The following ARHGEF10 variants were observed in gnomAD, a reference collection of about 807,000 sequenced individuals.
ARHGEF10 encodes Rho guanine nucleotide exchange factor (GEF) 10.
A neutral mutation model predicts 147.4 loss-of-function variants in ARHGEF10; 140 were observed. The observed-to-expected ratio is 0.95, with a 90% CI of 0.83 to 1.09. ARHGEF10 has a LOEUF of 1.09. Among genes scored for constraint, ARHGEF10 ranks in the 50% least tolerant of loss-of-function variants. The pLI is 0.00. For synonymous variants in ARHGEF10, 902 were observed against 695.8 expected, an observed-to-expected ratio of 1.30 and a Z score of -4.67; for missense variants, 2,222 against 1,752.7, an observed-to-expected ratio of 1.27 and a Z score of -4.78.
chr8:1,906,740 T>C (rs942326475), intron 17 of ARHGEF10, among the ~76,000 whole-genome samples: 6 of 152,210 alleles, frequency 3.9e-5, no homozygotes, highest in African/African-American at 1.4e-4. Context: ...ATAAAAATAA[T>C]GCCAGTGGTA....
In ARHGEF10 at chr8:1,842,652, G is replaced by T. The variant is rs1006188791; in HGVS notation, c.-47-701G>T. Among the ~76,000 whole-genome samples the T allele has an allele frequency of 2.8e-4, 43 of 152,252 alleles. 1 individual carries two copies. The highest frequency in any genetic ancestry group is 2.4e-3 in the Admixed American group (37 of 15,288). On this transcript the variant is annotated intron_variant, in intron 1 of 28. Coordinates refer to ENST00000349830, the MANE Select transcript of ARHGEF10 (RefSeq NM_014629.4). ...CGAGGCAGCTGGAGAGTTCCCTGAGGACAGCTTATTTCACCCTGGATGGCT... is the reference window on the plus strand; with the variant it reads ...CGAGGCAGCTGGAGAGTTCCCTGAGTACAGCTTATTTCACCCTGGATGGCT...
intron 2 of ARHGEF10, among the ~76,000 whole-genome samples, chr8:1,843,914 T>G (rs1256432684): frequency 1.3e-5 from 2 of 152,206 alleles, no homozygotes; most frequent in South Asian, 2.1e-4. Flanking sequence ...AGGGAGGGCC[T>G]GCTGATGAAA....
chr8:1,846,658 A>T (rs900560442), intron 2 of ARHGEF10, among the ~76,000 whole-genome samples: 7 of 151,938 alleles, frequency 4.6e-5, no homozygotes, highest in African/African-American at 1.7e-4. Flanking sequence ...GCTCACTGCA[A>T]CCTCCACTTC....
chr8:1,856,660 C>T (rs1805577728), intron 2 of ARHGEF10, among the ~76,000 whole-genome samples: 1 of 152,224 alleles, frequency 6.6e-6, no homozygotes, highest in Non-Finnish European at 1.5e-5. Context: ...CCTCAGCCCC[C>T]TCCGGAGCTG....
At position 1,909,368 on chromosome 8, in the gene ARHGEF10, G is replaced by T. The variant is rs1291005825; in HGVS notation, c.2041G>T (p.Asp681Tyr). 2 of 1,614,242 alleles carry T rather than the reference G, an allele frequency of 1.2e-6. No homozygotes were observed. Among genetic ancestry groups the T allele is most frequent in the Non-Finnish European group, 1.7e-6 (2 of 1,180,048 alleles). The change falls in exon 18 of 29, where the codon GAC (aspartate) becomes TAC (tyrosine). Residue 681 changes from aspartate (D) to tyrosine (Y), a missense_variant. By Grantham distance (160) the Asp-to-Tyr change is radical. Transcript: ENST00000349830. Reference sequence around the variant, plus strand: ...GTGGAGCGTTCCACTGGGACATGTGGACGCCATCGAGTATGGCAGCAGCGC... The same window carrying T: ...GTGGAGCGTTCCACTGGGACATGTGTACGCCATCGAGTATGGCAGCAGCGC... ...LKWSVPLGHV[D>Y]AIEYGSSAGT...
chr8:1,877,627 T>C (rs1430979755), intron 8 of ARHGEF10, among the ~76,000 whole-genome samples: 2 of 151,896 alleles, frequency 1.3e-5, no homozygotes, highest in Non-Finnish European at 2.9e-5. Context: ...AAGGCGTGAA[T>C]TCTGGAATTG....
chr8:1,841,897 CTGGGG>C, intron 1 of ARHGEF10, among the ~76,000 whole-genome samples: 5 of 101,976 alleles, frequency 4.9e-5, no homozygotes, highest in Non-Finnish European at 9.5e-5. Flanking sequence ...GCGGCGGGAA[CTGGGG>C]CCGCGGCGGG....
rs2272711 is a variant in ARHGEF10, at chr8:1,880,012, C to A, written c.844-36C>A. 7.5e-6 allele frequency: 11 copies of A among 1,466,262 alleles called. No individual in the cohort carries two copies. The South Asian group carries it at 7.9e-5, about 11-fold the overall frequency. The allele number at this position is 1,466,262 out of a possible 1,614,324, so 90.8% of individuals were successfully genotyped here. A position where few individuals can be genotyped will look rare whatever the true frequency, so the allele number is the denominator to read the frequency against. ...ATTGTCCCAAAGAACCAAAAAGAGC[C>A]TTTTTGTGAAAAGACTGTGTCTCTT... On this transcript the variant is annotated intron_variant, in intron 8 of 28. Transcript: ENST00000349830.
chr8:1,950,261 G>T (rs778277694), intron 27 of ARHGEF10, among the ~76,000 whole-genome samples: 20 of 152,216 alleles, frequency 1.3e-4, no homozygotes, highest in Non-Finnish European at 2.5e-4. Context: ...CTAGGTCACT[G>T]TTGGTGCTTC....
intron 11 of ARHGEF10, among the ~76,000 whole-genome samples, chr8:1,890,548 G>T (rs994811788): frequency 2.0e-5 from 3 of 149,784 alleles, no homozygotes; most frequent in African/African-American, 5.1e-5. Flanking sequence ...CACTGAGTGG[G>T]GTGAGAGTTT....
chr8:1,834,023 A>T (rs1044839440), intron 1 of ARHGEF10, among the ~76,000 whole-genome samples: 1 of 152,202 alleles, frequency 6.6e-6, no homozygotes, highest in Non-Finnish European at 1.5e-5. Flanking sequence ...GGGGAAGGGT[A>T]AGCAGGGCTG....
Position 1,948,224 on chromosome 8 carries a change from T to C in ARHGEF10, c.3397+2569T>C, listed in dbSNP as rs1814750477. On this transcript the variant is annotated intron_variant, in intron 27 of 28. Transcript: ENST00000349830. This position sits in a 1 kb window ranked among gnomAD's most constrained non-coding sequence, Gnocchi z 4.9. ...ACTCTCCCGGGCCCCTCCAACATCC[T>C]GGGCTGGCTCTCCATGGCCACAGTG... 1.3e-5 allele frequency among the ~76,000 whole-genome samples: 2 copies of C among 152,132 alleles called. No homozygotes were observed. The highest frequency in any genetic ancestry group is 1.3e-4 in the Admixed American group (2 of 15,282).
intron 6 of ARHGEF10, among the ~76,000 whole-genome samples, chr8:1,867,515 C>T (rs904534518): frequency 6.6e-6 from 1 of 152,088 alleles, no homozygotes; most frequent in African/African-American, 2.4e-5. Flanking sequence ...GATTATGTCC[C>T]GTCTCTGTGT....
rs139891181 is a variant in ARHGEF10, at chr8:1,900,007, G to A, written c.1650+1482G>A. 3.3e-3 allele frequency among the ~76,000 whole-genome samples: 509 copies of A among 152,324 alleles called. 14 individuals are homozygous for A. The East Asian group carries it at 0.06, about 18-fold the overall frequency. ...GTGAGTCCCTGGGTCGTTCTTGGTCGCCAGGGACGACAGCAAGTGCTGACT... is the reference window on the plus strand; with the variant it reads ...GTGAGTCCCTGGGTCGTTCTTGGTCACCAGGGACGACAGCAAGTGCTGACT... On this transcript the variant is annotated intron_variant, in intron 15 of 28. Coordinates refer to ENST00000349830, the MANE Select transcript of ARHGEF10 (RefSeq NM_014629.4).
intron 15 of ARHGEF10, among the ~76,000 whole-genome samples, chr8:1,901,317 T>C (rs1810441054): frequency 6.6e-6 from 1 of 152,146 alleles, no homozygotes; most frequent in South Asian, 2.1e-4. Context: ...CCAGTGACTC[T>C]CCTGGTCTCT....
intron 27 of ARHGEF10, among the ~76,000 whole-genome samples, chr8:1,947,931 A>G (rs1282848465): frequency 6.6e-6 from 1 of 151,762 alleles, no homozygotes; most frequent in East Asian, 1.9e-4. Flanking sequence ...AGAGCACCCA[A>G]CACAGTCCTG....
chr8:1,905,767 T>A, intron 17 of ARHGEF10, 51 bp downstream of exon 17: 1 of 1,605,542 alleles, frequency 6.2e-7, no homozygotes, highest in Non-Finnish European at 8.5e-7. Context: ...CATGTTACCT[T>A]TGCCTAAGGG....
intron 17 of ARHGEF10, among the ~76,000 whole-genome samples, chr8:1,906,017 C>G (rs917138491): frequency 5.3e-5 from 8 of 152,154 alleles, no homozygotes; most frequent in African/African-American, 1.9e-4. Context: ...ATCAAGAGTT[C>G]TTTTTCTTAT....
At chr8:1,935,697 C>G (rs1813536439) in intron 26 of ARHGEF10, among the ~76,000 whole-genome samples, 1 of 152,230 alleles carries the variant, frequency 6.6e-6, no homozygotes. Flanking sequence ...CTTGTGCACG[C>G]ACATCTAAGG....
Sources: allele counts gnomAD v4.1 joint callset (sites outside exome capture counted in the v4.1 genomes callset), GRCh38; gene constraint gnomAD v4.1.1; non-coding constraint Gnocchi (gnomAD v3.1); transcripts MANE v1.5; gene names NCBI Gene and HGNC (gene_info 2026-07-23, HGNC 2026-07-21).